TM4SF19: variants seen among roughly 807,000 people sequenced by gnomAD.
TM4SF19 encodes the protein transmembrane 4 L six family member 19, also known as transmembrane 4 L6 family member 19.
TM4SF19 carries 17 observed loss-of-function variants against 21.8 expected under a neutral mutation model. The observed-to-expected ratio is 0.78, with a 90% CI of 0.53 to 1.17. The LOEUF is 1.17. Ranked by LOEUF, TM4SF19 falls within the 50% of genes most tolerant of loss-of-function variation. The pLI is 0.00. For synonymous variants in TM4SF19, 107 were observed against 106.7 expected, an observed-to-expected ratio of 1.00 and a Z score of -0.02; for missense variants, 216 against 252.1, an observed-to-expected ratio of 0.86 and a Z score of 0.97.
At chr3:196,336,058 C>G (rs1727744810) in intron 1 of TM4SF19, among the ~76,000 whole-genome samples, 2 of 152,146 alleles carry the variant, frequency 1.3e-5, no homozygotes, top group African/African-American at 4.8e-5. Flanking sequence ...ACTTCAGCAA[C>G]ATCAACCCCC....
chr3:196,324,496 G>A (rs1170123490), intron 3 of TM4SF19, 56 bp from the exon 4 acceptor site: 21 of 1,587,856 alleles, frequency 1.3e-5, no homozygotes, highest in East Asian at 2.2e-5. Context: ...GGGAGCCTGC[G>A]GAGGGAGGAG....
chr3:196,331,224 A>G (rs1356651663), intron 1 of TM4SF19, among the ~76,000 whole-genome samples: 1 of 151,674 alleles, frequency 6.6e-6, no homozygotes, highest in African/African-American at 2.4e-5. Context: ...TGCAGTGAGC[A>G]GAGATCGTGC....
At chr3:196,333,986 G>A (rs1290497736) in intron 1 of TM4SF19, among the ~76,000 whole-genome samples, 11 of 152,060 alleles carry the variant, frequency 7.2e-5, no homozygotes, top group Admixed American at 2.0e-4. Context: ...ACTTGAACCT[G>A]GGAGGCAGAG....
At position 196,329,624 on chromosome 3, in the gene TM4SF19, G is replaced by A. The variant is rs1727431563; in HGVS notation, c.-1-2033C>T. Among the ~76,000 whole-genome samples, 3 of 119,312 alleles carry A rather than the reference G, an allele frequency of 2.5e-5. 1 individual carries two copies. Among genetic ancestry groups the A allele is most frequent in the Non-Finnish European group, 3.6e-5 (2 of 55,150 alleles). The allele number at this position is 119,312 out of a possible 152,430, so 78.3% of individuals were successfully genotyped here. On this transcript the variant is annotated intron_variant, in intron 1 of 4. Coordinates refer to ENST00000273695, the MANE Select transcript of TM4SF19 (RefSeq NM_138461.4). ...AGAGGCTGCAGTGAGCTGAGATCGC[G>A]CCACTGCACTTCAGCCTGGGCGACA...
chr3:196,323,964 G>A lies in TM4SF19; in HGVS notation c.483C>T (p.Ser161=), dbSNP rs753328722. ...NYLYDRSLWN[S]VCLEPSAAVV... ...CAGCTGCAGAGGGCTCCAGGCAGAC[G>A]GAGTTCCAGAGCGAACGGTCATACA... The change falls in exon 5 of 5, where the codon TCC becomes TCT. Residue 161 remains serine (S), a synonymous_variant. Transcript: ENST00000273695. 49 of 1,613,928 alleles carry A rather than the reference G, an allele frequency of 3.0e-5. No individual in the cohort carries two copies. The highest frequency in any genetic ancestry group is 3.6e-5 in the Non-Finnish European group (43 of 1,180,038).
Position 196,337,053 on chromosome 3 carries a change from T to TC in TM4SF19, c.-2+1210_-2+1211insG, listed in dbSNP as rs771888863. ...CACTGCTGACGCAAAAAGCAATTCT[T>TC]TTTTTTTTTTTTTTTTTTTTTTTTT... On this transcript the variant is annotated intron_variant, in intron 1 of 4. Coordinates refer to ENST00000273695, the MANE Select transcript of TM4SF19 (RefSeq NM_138461.4). Among the ~76,000 whole-genome samples the TC allele has an allele frequency of 5.5e-3, 88 of 16,040 alleles. 1 individual carries two copies. The South Asian group carries it at 0.15, about 27-fold the overall frequency. 10.5% of individuals were successfully genotyped at this position (16,040 alleles called of 152,430 possible).
At chr3:196,324,056 C>A (rs760548306) in intron 4 of TM4SF19, 59 bp from the exon 5 acceptor site, 92 of 1,586,914 alleles carry the variant, frequency 5.8e-5, no homozygotes, top group Non-Finnish European at 7.8e-5. Flanking sequence ...GCCAAACAGG[C>A]AACCCCAGTA....
At chr3:196,333,255 T>C (rs931169325) in intron 1 of TM4SF19, among the ~76,000 whole-genome samples, 3 of 152,240 alleles carry the variant, frequency 2.0e-5, no homozygotes, top group African/African-American at 4.8e-5. Context: ...GTTAGGTCCC[T>C]AGAAACCTGT....
chr3:196,329,234 G>T (rs187409724), intron 1 of TM4SF19, among the ~76,000 whole-genome samples: 3 of 126,908 alleles, frequency 2.4e-5, no homozygotes, highest in African/African-American at 7.9e-5. Context: ...GAGCCACCGC[G>T]CCCGGCCAAT....
At position 196,327,554 on chromosome 3, in the gene TM4SF19, T is replaced by C. The variant is rs199859080; in HGVS notation, c.37A>G (p.Thr13Ala). The change falls in exon 2 of 5, where the codon ACT becomes GCT. Residue 13 changes from threonine (T) to alanine (A), a missense_variant. Coordinates refer to ENST00000273695, the MANE Select transcript of TM4SF19 (RefSeq NM_138461.4). Reference sequence around the variant, plus strand: ...CTCAGTCCCAGGATACGGGAGCAAGTCCGTGAGCTTGCCTGCGTGCAGGGA... The same window carrying C: ...CTCAGTCCCAGGATACGGGAGCAAGCCCGTGAGCTTGCCTGCGTGCAGGGA... ...SSPCTQASSR[T>A]CSRILGLSLG... The C allele has an allele frequency of 1.2e-4, 201 of 1,613,766 alleles. No individual in the cohort carries two copies. Among genetic ancestry groups the C allele is most frequent in the Non-Finnish European group, 1.6e-4 (184 of 1,179,996 alleles).
At chr3:196,334,637 A>G (rs1727651084) in intron 1 of TM4SF19, among the ~76,000 whole-genome samples, 1 of 151,916 alleles carries the variant, frequency 6.6e-6, no homozygotes, top group Non-Finnish European at 1.5e-5. Context: ...TATTTTTAGT[A>G]AAGACAGGGT....
rs1370582986 is a variant in TM4SF19, at chr3:196,325,091, C to T, written c.280-651G>A. ...GCTTTCTTGGCCATCAGTCTGTGCT[C>T]CCACTGCCCTCCCAGAAAATAACTG... On this transcript the variant is annotated intron_variant, in intron 3 of 4. Transcript: ENST00000273695. The surrounding 1 kb of genome is among the most constrained non-coding windows in gnomAD (Gnocchi z 4.3). 1 of 152,266 alleles carries T rather than the reference C, an allele frequency of 6.6e-6. No individual in the cohort carries two copies. The highest frequency in any genetic ancestry group is 1.5e-5 in the Non-Finnish European group (1 of 68,096). The allele number at this position is 152,266 out of a possible 1,614,324, so 9.4% of individuals were successfully genotyped here.
chr3:196,327,474 AG>A lies in TM4SF19; in HGVS notation c.116del (p.Pro39LeufsTer9), dbSNP rs1560202174. On this transcript the variant is annotated frameshift_variant, in exon 2 of 5. Coordinates refer to ENST00000273695, the MANE Select transcript of TM4SF19 (RefSeq NM_138461.4). LOFTEE classifies it high-confidence loss of function. ...TCAACAGGTAGGTGACATCCCAGTT[AG>A]GAAGGAGGAGTGCCACGTTGGCCCC... The part of the protein sequence containing the change: ...AAGANVALLL[P>X]NWDVTYLLRG... 3.1e-6 allele frequency: 5 copies of A among 1,614,152 alleles called. No individual in the cohort carries two copies. The South Asian group carries it at 4.4e-5, about 14-fold the overall frequency.
rs368721054 is a variant in TM4SF19 at position 196,323,912 on chromosome 3, C to T, written c.535G>A (p.Ala179Thr). Residue 179 changes from alanine to threonine, a missense_variant, in exon 5 of 5, where the codon GCC (alanine) becomes ACC (threonine). By Grantham distance (58) the Ala-to-Thr change is moderately conservative. Coordinates refer to ENST00000273695, the MANE Select transcript of TM4SF19 (RefSeq NM_138461.4). ...TGGAGCAGGCTGATGCACAGAAGGG[C>T]GGAGAAGAGGGACACGTGCCAGACA... ...AVVWHVSLFS[A>T]LLCISLLQLL... 3.3e-5 allele frequency: 54 copies of T among 1,613,910 alleles called. No homozygotes were observed. The highest frequency in any genetic ancestry group is 1.3e-4 in the Admixed American group (8 of 59,972).
At chr3:196,333,418 T>C (rs1011722512) in intron 1 of TM4SF19, among the ~76,000 whole-genome samples, 1 of 152,230 alleles carries the variant, frequency 6.6e-6, no homozygotes, top group African/African-American at 2.4e-5. Flanking sequence ...AGAACAGTTA[T>C]AACAACATAC....
chr3:196,332,238 G>C (rs963735572), intron 1 of TM4SF19, among the ~76,000 whole-genome samples: 3 of 151,752 alleles, frequency 2.0e-5, no homozygotes, highest in Admixed American at 6.6e-5. Context: ...CTGGGCAAGA[G>C]AGTGAGATTC....
At chr3:196,328,502 A>C (rs1027276919) in intron 1 of TM4SF19, among the ~76,000 whole-genome samples, 1 of 152,210 alleles carries the variant, frequency 6.6e-6, no homozygotes. Context: ...TTACAATAGC[A>C]TAAAAATATA....
rs201220615 is a variant in TM4SF19 at position 196,327,078 on chromosome 3, G to A, written c.202-46C>T. On this transcript the variant is annotated intron_variant, in intron 2 of 4. Transcript: ENST00000273695. ...TTGAGATGGGGAAATCGACTTTGCC[G>A]GCTGTTTCTAGGTGCTGCCCACAGC... 29 of 1,526,034 alleles carry A rather than the reference G, an allele frequency of 1.9e-5. No individual in the cohort carries two copies. The Admixed American group carries it at 4.1e-4, about 22-fold the overall frequency. The allele number at this position is 1,526,034 out of a possible 1,614,324, so 94.5% of individuals were successfully genotyped here.
chr3:196,330,418 TACC>T (rs1577408738), intron 1 of TM4SF19, among the ~76,000 whole-genome samples: 1 of 152,336 alleles, frequency 6.6e-6, no homozygotes, highest in East Asian at 1.9e-4. Flanking sequence ...GATGTTACTT[TACC>T]ACAATAAAAA....
Sources: gnomAD v4.1 joint callset for allele counts (sites outside exome capture counted in the v4.1 genomes callset) on GRCh38, gnomAD v4.1.1 for gene constraint, Gnocchi (gnomAD v3.1) non-coding constraint, MANE v1.5 for transcripts, NCBI Gene and HGNC (gene_info 2026-07-23, HGNC 2026-07-21) for gene names.